The following SOCS2 variants were observed in gnomAD, a reference collection of about 807,000 sequenced individuals.
The protein encoded by SOCS2 is CIS-2.
Under a neutral mutation model 18.6 loss-of-function variants are expected in SOCS2, and 10 were observed. The ratio of observed to expected loss-of-function variants is 0.54; its 90% CI spans 0.33 to 0.91. The LOEUF (loss-of-function observed/expected upper bound fraction) is 0.91. SOCS2 is among the 40% of genes least tolerant of loss of function. The pLI, the probability that SOCS2 is intolerant of heterozygous loss-of-function variation, is 0.02. For missense variants in SOCS2, 231 were observed against 247.2 expected (o/e 0.93, Z 0.44); for synonymous variants, 104 against 104.0 (o/e 1.00, Z 0.00).
In SOCS2 at chr12:93,576,651, G is replaced by T. The variant is rs1434845523; in HGVS notation, c.*1472G>T. The T allele has an allele frequency of 1.3e-5, 2 of 152,134 alleles. No individual in the cohort carries two copies. Among genetic ancestry groups the T allele is most frequent in the Admixed American group, 1.3e-4 (2 of 15,280 alleles). 9.4% of individuals were successfully genotyped at this position (152,134 alleles called of 1,614,324 possible). A position where few individuals can be genotyped will look rare whatever the true frequency, so the allele number is the denominator to read the frequency against. ...TATTTTATGGCTTTAAAATTTTCCTGCATAGCTACAATCCTGTGGTGTGTC... is the reference window on the plus strand; with the variant it reads ...TATTTTATGGCTTTAAAATTTTCCTTCATAGCTACAATCCTGTGGTGTGTC... On this transcript the variant is annotated 3_prime_UTR_variant, in exon 2 of 2. Transcript: ENST00000551556.
At chr12:93,619,729 C>T in the SOCS2 span, among the ~76,000 whole-genome samples, 2 of 152,110 alleles carry the variant, frequency 1.3e-5, no homozygotes, top group African/African-American at 4.8e-5. Context: ...AGTGTTTTTC[C>T]CTTGCATTAC....
chr12:93,604,217 A>T, the SOCS2 span, among the ~76,000 whole-genome samples: 34 of 152,284 alleles, frequency 2.2e-4, no homozygotes, highest in South Asian at 7.1e-3. Context: ...AAAAAAAACA[A>T]GAAAAATAGT....
intron 1 of SOCS2, 120 bp from the exon 2 acceptor site, chr12:93,574,602 C>CTTTT: frequency 3.8e-6 from 2 of 532,772 alleles, no homozygotes; most frequent in Non-Finnish European, 3.0e-6. Flanking sequence ...CACACACCAC[C>CTTTT]TTTTTTTTTT....
At chr12:93,614,591 CTT>C in the SOCS2 span, among the ~76,000 whole-genome samples, 12 of 103,204 alleles carry the variant, frequency 1.2e-4, no homozygotes, top group Non-Finnish European at 1.9e-4. Flanking sequence ...TTCTTTCTTT[CTT>C]TCTTTCTTTC....
chr12:93,586,824 G>C (rs1565846175), downstream of SOCS2, among the ~76,000 whole-genome samples: 1 of 151,724 alleles, frequency 6.6e-6, no homozygotes, highest in Non-Finnish European at 1.5e-5. Context: ...AATATTTACT[G>C]AGCATCTACT....
chr12:93,600,136 GA>G, the SOCS2 span, among the ~76,000 whole-genome samples: 15 of 150,418 alleles, frequency 1.0e-4, no homozygotes, highest in East Asian at 1.9e-4. Context: ...GAATTCACCT[GA>G]AAAAAAAATT....
intron 1 of SOCS2, chr12:93,573,559 A>T (rs986583453): frequency 4.6e-6 from 1 of 217,190 alleles, no homozygotes; most frequent in Non-Finnish European, 9.0e-6. Flanking sequence ...CGCGGCTTCC[A>T]TGGTCGGCGC....
chr12:93,626,151 G>A, the SOCS2 span, among the ~76,000 whole-genome samples: 1 of 152,218 alleles, frequency 6.6e-6, no homozygotes, highest in East Asian at 1.9e-4. Flanking sequence ...AGTAAAATGA[G>A]CCTCTTTCTA....
downstream of SOCS2, among the ~76,000 whole-genome samples, chr12:93,580,758 TA>T (rs1439569164): frequency 2.6e-5 from 4 of 152,152 alleles, no homozygotes; most frequent in Non-Finnish European, 5.9e-5. Context: ...GTTTCCAGCA[TA>T]GCTTGTTTCT....
chr12:93,577,135 T>C (rs1381341107), downstream of SOCS2, among the ~76,000 whole-genome samples: 1 of 151,994 alleles, frequency 6.6e-6, no homozygotes, highest in Non-Finnish European at 1.5e-5. Context: ...TTACTGGGAG[T>C]GGGGAGGCAG....
chr12:93,581,533 C>A (rs918145464), downstream of SOCS2, among the ~76,000 whole-genome samples: 12 of 151,938 alleles, frequency 7.9e-5, no homozygotes. Flanking sequence ...CTGTAGCTAC[C>A]TTTTCAATTT....
chr12:93,621,270 C>T, the SOCS2 span, among the ~76,000 whole-genome samples: 1 of 152,138 alleles, frequency 6.6e-6, no homozygotes, highest in Admixed American at 6.5e-5. Flanking sequence ...ATCAGAAAAT[C>T]CCCAGTTCTG....
chr12:93,603,518 G>A, the SOCS2 span, among the ~76,000 whole-genome samples: 1 of 152,168 alleles, frequency 6.6e-6, no homozygotes, highest in African/African-American at 2.4e-5. Flanking sequence ...CATCCATGGT[G>A]GGATGTTTAT....
downstream of SOCS2, among the ~76,000 whole-genome samples, chr12:93,583,651 A>G (rs1954565919): frequency 6.6e-6 from 1 of 152,196 alleles, no homozygotes; most frequent in Non-Finnish European, 1.5e-5. Context: ...AAAGTCCCCC[A>G]GATATCCAGT....
chr12:93,614,429 C>CCCTTCCTTCCTTCCTTTCTT, the SOCS2 span, among the ~76,000 whole-genome samples: 1 of 41,482 alleles, frequency 2.4e-5, no homozygotes, highest in African/African-American at 1.4e-4. Flanking sequence ...TCCTTTCTTT[C>CCCTTCCTTCCTTCCTTTCTT]CCTTCCTTCC....
the SOCS2 span, among the ~76,000 whole-genome samples, chr12:93,603,714 T>C: frequency 6.6e-6 from 1 of 152,332 alleles, no homozygotes; most frequent in South Asian, 2.1e-4. Flanking sequence ...AGTGCAGTAT[T>C]ATTTGGGGTA....
At chr12:93,618,120 T>C in the SOCS2 span, among the ~76,000 whole-genome samples, 5 of 152,144 alleles carry the variant, frequency 3.3e-5, no homozygotes, top group Non-Finnish European at 5.9e-5. Context: ...CCACTCTCTC[T>C]TCCGCCTGCT....
the SOCS2 span, among the ~76,000 whole-genome samples, chr12:93,593,631 C>A: frequency 2.0e-5 from 3 of 152,100 alleles, no homozygotes; most frequent in Non-Finnish European, 4.4e-5. Flanking sequence ...TTATAGCCAA[C>A]TTTTTGGGAA....
At chr12:93,619,324 G>A in the SOCS2 span, among the ~76,000 whole-genome samples, 1 of 152,130 alleles carries the variant, frequency 6.6e-6, no homozygotes, top group African/African-American at 2.4e-5. Flanking sequence ...GCCTTACACA[G>A]TCCATAGGGG....
Sources: gnomAD v4.1 joint callset for allele counts (sites outside exome capture counted in the v4.1 genomes callset) on GRCh38, gnomAD v4.1.1 for gene constraint, MANE v1.5 for transcripts, NCBI Gene and HGNC (gene_info 2026-07-23, HGNC 2026-07-21) for gene names.